Variants in ACBD6 observed in about 807,000 individuals in gnomAD.
The protein encoded by ACBD6 is acyl-CoA-binding domain-containing protein 6.
A neutral mutation model predicts 37.2 loss-of-function variants in ACBD6; 28 were observed. The ratio of observed to expected loss-of-function variants is 0.75; its 90% confidence interval spans 0.56 to 1.03. ACBD6 has a LOEUF of 1.03. Ranked by LOEUF, ACBD6 falls within the 50% of genes least tolerant of loss-of-function variation. The pLI is 0.00. For synonymous variants in ACBD6, 113 were observed against 126.8 expected (o/e 0.89, Z 0.73); for missense variants, 340 against 337.4 (o/e 1.01, Z -0.06).
intron 8 of ACBD6, among the ~76,000 whole-genome samples, chr1:180,282,704 A>G (rs977880539): frequency 6.6e-5 from 10 of 152,190 alleles, no homozygotes; most frequent in African/African-American, 2.4e-4. Flanking sequence ...GGAATACAAT[A>G]ACTAAGAAAC....
In ACBD6 at chr1:180,332,184, A is replaced by G. The variant is rs189505781; in HGVS notation, c.664-17462T>C. Among the ~76,000 whole-genome samples the G allele has an allele frequency of 1.8e-3, 270 of 152,308 alleles. 1 individual carries two copies. Among genetic ancestry groups the G allele is most frequent in the African/African-American group, 5.8e-3 (242 of 41,564 alleles). ...CAATACATTTCTGTTGTTTTAAGCC[A>G]CCTAGTTTGTGGCACTTTGTTACAG... On this transcript the variant is annotated intron_variant, in intron 6 of 7. Transcript: ENST00000367595.
intron 13 of ACBD6, chr1:180,272,152 T>C: frequency 1.4e-6 from 1 of 708,788 alleles, no homozygotes; most frequent in Non-Finnish European, 2.3e-6. Context: ...CAGTGAAGGG[T>C]GGGGGAAATG....
intron 6 of ACBD6, among the ~76,000 whole-genome samples, chr1:180,334,096 A>G (rs1342394776): frequency 2.0e-5 from 3 of 152,364 alleles, no homozygotes; most frequent in Middle Eastern, 3.4e-3. Context: ...CGGGCAGGGC[A>G]TAGTCAAACA....
chr1:180,499,737 G>A (rs1651877893), intron 1 of ACBD6, among the ~76,000 whole-genome samples: 1 of 152,002 alleles, frequency 6.6e-6, no homozygotes, highest in African/African-American at 2.4e-5. Context: ...ATGTTATTAG[G>A]ACAAAGTATA....
intron 6 of ACBD6, among the ~76,000 whole-genome samples, chr1:180,329,241 C>T (rs1307598427): frequency 6.6e-6 from 1 of 152,132 alleles, no homozygotes; most frequent in Non-Finnish European, 1.5e-5. Flanking sequence ...TAAAAGATGC[C>T]TTTACAGTGC....
intron 1 of ACBD6, among the ~76,000 whole-genome samples, chr1:180,497,453 G>A (rs1430256468): frequency 6.6e-6 from 1 of 152,230 alleles, no homozygotes; most frequent in South Asian, 2.1e-4. Flanking sequence ...AGGAACTTAG[G>A]GCAGCAGTTT....
chr1:180,411,651 T>C (rs891719714), intron 5 of ACBD6, among the ~76,000 whole-genome samples: 5 of 152,192 alleles, frequency 3.3e-5, no homozygotes, highest in African/African-American at 1.2e-4. Context: ...TACAGTACAG[T>C]GTAAACACAA....
intron 3 of ACBD6, among the ~76,000 whole-genome samples, chr1:180,487,134 T>G (rs1348207660): frequency 6.6e-6 from 1 of 152,160 alleles, no homozygotes; most frequent in Non-Finnish European, 1.5e-5. Flanking sequence ...AGAATAATTA[T>G]GAAGGGCATT....
intron 6 of ACBD6, among the ~76,000 whole-genome samples, chr1:180,355,103 C>CAA (rs1448283003): frequency 6.6e-6 from 1 of 152,108 alleles, no homozygotes; most frequent in East Asian, 1.9e-4. Flanking sequence ...TGCTGTTTAC[C>CAA]GCACTAGGCA....
intron 3 of ACBD6, among the ~76,000 whole-genome samples, chr1:180,470,995 T>G (rs1375594934): frequency 6.6e-6 from 1 of 152,244 alleles, no homozygotes; most frequent in Non-Finnish European, 1.5e-5. Context: ...CAGAACTTTT[T>G]GTATTAACCT....
intron 6 of ACBD6, among the ~76,000 whole-genome samples, chr1:180,389,966 G>C (rs897096618): frequency 6.6e-6 from 1 of 151,916 alleles, no homozygotes; most frequent in African/African-American, 2.4e-5. Context: ...TGTTCACTCT[G>C]ATAGTAGTTT....
intron 6 of ACBD6, among the ~76,000 whole-genome samples, chr1:180,346,943 G>C (rs1189022448): frequency 6.6e-6 from 1 of 152,136 alleles, no homozygotes; most frequent in East Asian, 1.9e-4. Context: ...TTGAGGCTAG[G>C]AGGTCGAGGC....
intron 3 of ACBD6, among the ~76,000 whole-genome samples, chr1:180,477,063 G>A (rs1650826689): frequency 6.6e-6 from 1 of 152,032 alleles, no homozygotes; most frequent in Non-Finnish European, 1.5e-5. Context: ...TGAAACTGTA[G>A]ACACTACAGA....
chr1:180,390,810 C>CT (rs1265586836), intron 6 of ACBD6, among the ~76,000 whole-genome samples: 2 of 152,182 alleles, frequency 1.3e-5, no homozygotes, highest in South Asian at 2.1e-4. Context: ...TCTTCACTGC[C>CT]TTTTTAGCAA....
intron 7 of ACBD6, among the ~76,000 whole-genome samples, chr1:180,291,274 C>T (rs757145243): frequency 4.6e-5 from 7 of 152,276 alleles, no homozygotes; most frequent in Non-Finnish European, 7.4e-5. Flanking sequence ...AGTCATATGG[C>T]AAGTGAATGT....
intron 4 of ACBD6, among the ~76,000 whole-genome samples, chr1:180,416,984 C>G (rs1293834949): frequency 3.3e-5 from 5 of 152,050 alleles, no homozygotes; most frequent in Non-Finnish European, 5.9e-5. Flanking sequence ...AACTGGAAAT[C>G]AGATATAAAA....
intron 3 of ACBD6, among the ~76,000 whole-genome samples, chr1:180,447,172 T>A (rs184275940): frequency 6.6e-6 from 1 of 152,342 alleles, no homozygotes; most frequent in Admixed American, 6.5e-5. Flanking sequence ...TATGAACAAG[T>A]ATTTTATCCA....
At chr1:180,476,871 C>G (rs1335908000) in intron 3 of ACBD6, among the ~76,000 whole-genome samples, 2 of 151,928 alleles carry the variant, frequency 1.3e-5, no homozygotes, top group Non-Finnish European at 2.9e-5. Context: ...CAAGAAAACT[C>G]AAAAACAACA....
chr1:180,485,171 T>C (rs1367677931), intron 3 of ACBD6, among the ~76,000 whole-genome samples: 6 of 151,888 alleles, frequency 4.0e-5, no homozygotes, highest in African/African-American at 1.5e-4. Flanking sequence ...GCAATGACAC[T>C]CCAGTAGCAA....
Sources: gnomAD v4.1 joint callset for allele counts (sites outside exome capture counted in the v4.1 genomes callset) on GRCh38, gnomAD v4.1.1 for gene constraint, MANE v1.5 for transcripts, NCBI Gene and HGNC (gene_info 2026-07-23, HGNC 2026-07-21) for gene names.